PDE5A: variants seen among roughly 807,000 people sequenced by gnomAD.
PDE5A encodes cGMP-specific 3',5'-cyclic phosphodiesterase.
A neutral mutation model predicts 110.2 loss-of-function variants in PDE5A; 67 were observed. The observed-to-expected ratio is 0.61, with a 90% CI of 0.50 to 0.75. The LOEUF is 0.75. Among genes scored for constraint, PDE5A ranks in the 30% least tolerant of loss-of-function variants. The pLI is 0.00. For synonymous variants in PDE5A, 328 were observed against 351.2 expected (o/e 0.93, Z 0.74); for missense variants, 862 against 1,045.1 (o/e 0.82, Z 2.42).
At chr4:119,552,887 G>GT in intron 8 of PDE5A, among the ~76,000 whole-genome samples, 1 of 147,974 alleles carries the variant, frequency 6.8e-6, no homozygotes, top group East Asian at 2.0e-4. Flanking sequence ...TTAATAATAA[G>GT]TAAAATATAA....
rs1728861039 is a variant in PDE5A, at chr4:119,588,718, AT to A, written c.831+7804del. ...CATATCTGATTTCATGAATGCCTCA[AT>A]TTATGAGTTTCGGTAGGTGTTAATC... On this transcript the variant is annotated intron_variant, in intron 3 of 20. Transcript: ENST00000354960. 3.3e-5 allele frequency among the ~76,000 whole-genome samples: 5 copies of A among 152,196 alleles called. No homozygotes were observed. The South Asian group carries it at 1.0e-3, about 32-fold the overall frequency.
chr4:119,502,794 A>G, intron 18 of PDE5A, 139 bp from the exon 19 acceptor site: 1 of 605,306 alleles, frequency 1.7e-6, no homozygotes, highest in African/African-American at 1.9e-5. Flanking sequence ...CCCGAAGACA[A>G]GTAGTCCATG....
chr4:119,578,485 T>C (rs1385068646), intron 3 of PDE5A, among the ~76,000 whole-genome samples: 1 of 151,970 alleles, frequency 6.6e-6, no homozygotes, highest in Admixed American at 6.6e-5. Context: ...GGTACCAAAA[T>C]AGAGATATAG....
chr4:119,579,697 G>C (rs1728515879), intron 3 of PDE5A, among the ~76,000 whole-genome samples: 1 of 151,860 alleles, frequency 6.6e-6, no homozygotes, highest in Non-Finnish European at 1.5e-5. Context: ...TTGTGGGGTG[G>C]GGGGAGTGGG....
At chr4:119,517,352 C>T (rs916329662) in intron 14 of PDE5A, among the ~76,000 whole-genome samples, 2 of 151,848 alleles carry the variant, frequency 1.3e-5, no homozygotes, top group Non-Finnish European at 2.9e-5. Context: ...TTTCCTGGGT[C>T]TCCTGGCTAA....
chr4:119,621,825 T>A (rs890360970), intron 1 of PDE5A, among the ~76,000 whole-genome samples: 8 of 152,190 alleles, frequency 5.3e-5, no homozygotes, highest in African/African-American at 1.7e-4. Flanking sequence ...TCTAATATAT[T>A]GTAAATCAAA....
chr4:119,565,941 C>G (rs1478464639), intron 4 of PDE5A, among the ~76,000 whole-genome samples: 1 of 145,674 alleles, frequency 6.9e-6, no homozygotes, highest in Admixed American at 7.0e-5. Context: ...TATTGATTGA[C>G]TATTAATTAT....
chr4:119,567,778 C>G (rs1227833787), intron 3 of PDE5A, among the ~76,000 whole-genome samples: 20 of 152,124 alleles, frequency 1.3e-4, no homozygotes. Context: ...TCAAATAGAT[C>G]AGAAGGCATT....
At chr4:119,626,389 C>T (rs1172524655) in intron 1 of PDE5A, among the ~76,000 whole-genome samples, 2 of 152,168 alleles carry the variant, frequency 1.3e-5, no homozygotes, top group African/African-American at 4.8e-5. Flanking sequence ...ACCAACAAGC[C>T]ATCCCTAGTT....
chr4:119,524,584 T>C (rs1218520530), intron 12 of PDE5A, among the ~76,000 whole-genome samples: 1 of 152,142 alleles, frequency 6.6e-6, no homozygotes, highest in Non-Finnish European at 1.5e-5. Context: ...CACTCTTAGT[T>C]TTCATTTCTG....
chr4:119,616,391 A>C (rs1423662812), intron 1 of PDE5A, among the ~76,000 whole-genome samples: 1 of 152,108 alleles, frequency 6.6e-6, no homozygotes, highest in Non-Finnish European at 1.5e-5. Context: ...CATAAATGTG[A>C]CTCAAATCTT....
intron 11 of PDE5A, among the ~76,000 whole-genome samples, chr4:119,531,816 A>G (rs960435715): frequency 6.6e-6 from 1 of 152,112 alleles, no homozygotes; most frequent in Admixed American, 6.6e-5. Context: ...CTAATTTTGC[A>G]GAGAAAGAAA....
At chr4:119,623,784 G>C (rs537744199) in intron 1 of PDE5A, among the ~76,000 whole-genome samples, 3 of 152,132 alleles carry the variant, frequency 2.0e-5, no homozygotes, top group Non-Finnish European at 4.4e-5. Flanking sequence ...TCAGATGACA[G>C]ACTGAAAAAA....
chr4:119,625,307 C>T (rs1730309160), intron 1 of PDE5A, among the ~76,000 whole-genome samples: 1 of 152,110 alleles, frequency 6.6e-6, no homozygotes, highest in Non-Finnish European at 1.5e-5. Context: ...CAACCTATAG[C>T]TTTTAATAAG....
At chr4:119,622,345 A>C (rs1464797436) in intron 1 of PDE5A, among the ~76,000 whole-genome samples, 2 of 152,128 alleles carry the variant, frequency 1.3e-5, no homozygotes, top group African/African-American at 4.8e-5. Flanking sequence ...GATAATTCTT[A>C]TTTTTTATAA....
chr4:119,628,787 G>T lies in PDE5A; in HGVS notation c.-116C>A. 1 of 1,460,270 alleles carries T rather than the reference G, an allele frequency of 6.8e-7. No homozygotes were observed. Among genetic ancestry groups the T allele is most frequent in the Non-Finnish European group, 9.3e-7 (1 of 1,076,780 alleles). The allele number at this position is 1,460,270 out of a possible 1,614,324, so 90.5% of individuals were successfully genotyped here. A position where few individuals can be genotyped will look rare whatever the true frequency, so the allele number is the denominator to read the frequency against. On this transcript the variant is annotated 5_prime_UTR_variant, in exon 1 of 21. In the 5' UTR this introduces an upstream ATG that the reference lacks. Coordinates refer to ENST00000354960, the MANE Select transcript of PDE5A (RefSeq NM_001083.4). ...GACCCTCCCCCTTCGTCCTGCTCCA[G>T]TCGGGCCGGCTTTCGACAAAGCGGC...
chr4:119,549,091 C>T (rs1727243937), intron 9 of PDE5A: 1 of 145,068 alleles, frequency 6.9e-6, no homozygotes, highest in South Asian at 2.1e-4. Context: ...CATGTATTCA[C>T]CTATTTAAAG....
At chr4:119,589,723 A>G (rs2110529909) in intron 3 of PDE5A, among the ~76,000 whole-genome samples, 1 of 152,206 alleles carries the variant, frequency 6.6e-6, no homozygotes. Context: ...TCTGGTAAAA[A>G]TTTTCTTATA....
In PDE5A at chr4:119,596,580, A is replaced by C. The variant is rs766804562; in HGVS notation, c.774T>G (p.Ile258Met). ...DPRFNAEVDQ[I>M]TGYKTQSILC... ...GAATGCTTTGTGTCTTGTAGCCTGT[A>C]ATTTGGTCAACTTCTGCATTGAACC... The change falls in exon 3 of 21, where the codon ATT becomes ATG. Residue 258 changes from isoleucine to methionine, a missense_variant. Coordinates refer to ENST00000354960, the MANE Select transcript of PDE5A (RefSeq NM_001083.4). The C allele has an allele frequency of 6.2e-7, 1 of 1,601,356 alleles. No homozygotes were observed. The highest frequency in any genetic ancestry group is 1.1e-5 in the South Asian group (1 of 88,358).
Sources: gnomAD v4.1 joint callset for allele counts (sites outside exome capture counted in the v4.1 genomes callset) on GRCh38, gnomAD v4.1.1 for gene constraint, MANE v1.5 for transcripts, NCBI Gene and HGNC (gene_info 2026-07-23, HGNC 2026-07-21) for gene names.